ADAMTS9: variants seen among roughly 807,000 people sequenced by gnomAD.
ADAMTS9 encodes ADAM metallopeptidase with thrombospondin type 1 motif 9.
A neutral mutation model predicts 257.1 loss-of-function variants in ADAMTS9; 107 were observed. The observed-to-expected ratio is 0.42, with a 90% CI of 0.36 to 0.49. The LOEUF (loss-of-function observed/expected upper bound fraction) is 0.49, where lower values mean the gene tolerates loss of function less well. ADAMTS9 is among the 20% of genes least tolerant of loss of function. The pLI, the probability that ADAMTS9 is intolerant of heterozygous loss-of-function variation, is 0.03. For synonymous variants in ADAMTS9, 982 were observed against 880.9 expected (o/e 1.11, Z -2.03); for missense variants, 2,353 against 2,469.1 (o/e 0.95, Z 1.00).
chr3:64,655,476 G>T lies in ADAMTS9; in HGVS notation c.1169+100C>A. On this transcript the variant is annotated intron_variant, in intron 6 of 39. Coordinates refer to ENST00000498707, the MANE Select transcript of ADAMTS9 (RefSeq NM_182920.2). ...CCAAAATGTCAACAGTGCCTAAGCT[G>T]AGAAACCCTCCACTAGCAGCTGACT... 3 of 1,008,392 alleles carry T rather than the reference G, an allele frequency of 3.0e-6. No homozygotes were observed. In the South Asian group the frequency reaches 4.3e-5, roughly 15 times the overall value. 62.5% of individuals were successfully genotyped at this position (1,008,392 alleles called of 1,614,324 possible).
At chr3:64,667,849 T>G (rs1701387760) in intron 3 of ADAMTS9, among the ~76,000 whole-genome samples, 2 of 152,206 alleles carry the variant, frequency 1.3e-5, no homozygotes, top group African/African-American at 4.8e-5. Flanking sequence ...TAGGAACTAT[T>G]ACCTTCATTT....
At chr3:64,666,049 T>C (rs1264867886) in intron 3 of ADAMTS9, among the ~76,000 whole-genome samples, 4 of 152,152 alleles carry the variant, frequency 2.6e-5, no homozygotes, top group Non-Finnish European at 5.9e-5. Context: ...GTGGGTCCAA[T>C]CTTTTAAAAA....
At chr3:64,543,128 C>A (rs972937553) in intron 32 of ADAMTS9, among the ~76,000 whole-genome samples, 3 of 152,120 alleles carry the variant, frequency 2.0e-5, no homozygotes, top group Admixed American at 6.6e-5. Flanking sequence ...TAATTAATAG[C>A]CTACCAACCA....
chr3:64,602,268 A>G (rs1053763135), intron 25 of ADAMTS9, 55 bp from the exon 26 acceptor site: 2 of 1,580,938 alleles, frequency 1.3e-6, no homozygotes, highest in Admixed American at 1.7e-5. Flanking sequence ...AGGGGTTGAC[A>G]ATTCCTGAAT....
rs902433733 is a variant in ADAMTS9, at chr3:64,631,666, G to T, written c.2294-116C>A. Reference sequence around the variant, plus strand: ...TATAATTCTCATATAATTCTATTAGGTGCCTTCTAGTCGATGGATAATCCA... The same window carrying T: ...TATAATTCTCATATAATTCTATTAGTTGCCTTCTAGTCGATGGATAATCCA... On this transcript the variant is annotated intron_variant, in intron 15 of 39. Transcript: ENST00000498707. The T allele has an allele frequency of 9.5e-6, 11 of 1,160,508 alleles. No individual in the cohort carries two copies. The East Asian group carries it at 2.4e-4, about 25-fold the overall frequency. 71.9% of individuals were successfully genotyped at this position (1,160,508 alleles called of 1,614,324 possible). A position where few individuals can be genotyped will look rare whatever the true frequency, so the allele number is the denominator to read the frequency against.
Position 64,516,371 on chromosome 3 carries a change from G to C in ADAMTS9, c.*756C>G, listed in dbSNP as rs188450032. Reference sequence around the variant, plus strand: ...TATTAACAACACTAACAACAATAAGGATAAAGTCTAAGTCTCTTCCAAAAA... The same window carrying C: ...TATTAACAACACTAACAACAATAAGCATAAAGTCTAAGTCTCTTCCAAAAA... On this transcript the variant is annotated 3_prime_UTR_variant, in exon 40 of 40. Transcript: ENST00000498707. 2.0e-5 allele frequency: 3 copies of C among 152,630 alleles called. No individual in the cohort carries two copies. Among genetic ancestry groups the C allele is most frequent in the Admixed American group, 2.0e-4 (3 of 15,296 alleles). 9.5% of individuals were successfully genotyped at this position (152,630 alleles called of 1,614,324 possible).
intron 3 of ADAMTS9, among the ~76,000 whole-genome samples, chr3:64,667,022 TTTTTG>T (rs779497884): frequency 3.8e-4 from 58 of 152,252 alleles, no homozygotes; most frequent in Non-Finnish European, 6.9e-4. Flanking sequence ...AGCTGTTGTT[TTTTTG>T]TTTTATTATT....
chr3:64,541,737 T>C, intron 33 of ADAMTS9, 101 bp downstream of exon 33: 1 of 1,569,324 alleles, frequency 6.4e-7, no homozygotes, highest in Non-Finnish European at 8.7e-7. Flanking sequence ...ATGATTTCCT[T>C]CAGAAAAAAT....
chr3:64,655,324 G>A (rs931175293), intron 6 of ADAMTS9, among the ~76,000 whole-genome samples: 1 of 152,182 alleles, frequency 6.6e-6, no homozygotes, highest in East Asian at 1.9e-4. Flanking sequence ...CCCACGGGGG[G>A]CAGTGGCAAT....
chr3:64,619,923 A>C (rs2106857372), intron 19 of ADAMTS9, among the ~76,000 whole-genome samples: 1 of 152,188 alleles, frequency 6.6e-6, no homozygotes, highest in Non-Finnish European at 1.5e-5. Context: ...CTTTAATTTA[A>C]CTCAATTGGC....
intron 37 of ADAMTS9, among the ~76,000 whole-genome samples, chr3:64,536,961 T>C (rs2083058779): frequency 6.6e-6 from 1 of 152,214 alleles, no homozygotes; most frequent in South Asian, 2.1e-4. Context: ...TCTGCTTTGA[T>C]TTCTGTGCAA....
chr3:64,530,948 T>C (rs1172930910), intron 38 of ADAMTS9, among the ~76,000 whole-genome samples: 3 of 152,134 alleles, frequency 2.0e-5, no homozygotes, highest in Non-Finnish European at 2.9e-5. Flanking sequence ...AGAAACATAA[T>C]GTATAGATTT....
At position 64,643,445 on chromosome 3, in the gene ADAMTS9, A is replaced by ATT. The variant is rs57471985; in HGVS notation, c.1711-1454_1711-1453dup. On this transcript the variant is annotated intron_variant, in intron 11 of 39. Transcript: ENST00000498707. The stretch of plus-strand genomic sequence containing the variant: ...GTAGTCAACATAACATTACTCAATA[A>ATT]TTTTTTTTTTTTTTTTTTTTTTTTT... Among the ~76,000 whole-genome samples the ATT allele has an allele frequency of 4.3e-3, 263 of 61,398 alleles. 4 individuals are homozygous for ATT. The highest frequency in any genetic ancestry group is 6.2e-3 in the African/African-American group (88 of 14,264). The allele number at this position is 61,398 out of a possible 152,430, so 40.3% of individuals were successfully genotyped here.
chr3:64,630,411 T>TA, intron 16 of ADAMTS9, among the ~76,000 whole-genome samples: 1 of 151,984 alleles, frequency 6.6e-6, no homozygotes, highest in Non-Finnish European at 1.5e-5. Flanking sequence ...AAATAAGAAA[T>TA]AAAAATAAAT....
chr3:64,516,958 T>C lies in ADAMTS9; in HGVS notation c.*169A>G, dbSNP rs1006855613. On this transcript the variant is annotated 3_prime_UTR_variant, in exon 40 of 40. Coordinates refer to ENST00000498707, the MANE Select transcript of ADAMTS9 (RefSeq NM_182920.2). ...CTACATACACACATATATGTGTATA[T>C]ATGTATGTGTAGATATGTATATATG... The C allele has an allele frequency of 6.6e-6, 1 of 152,528 alleles. No individual in the cohort carries two copies. The highest frequency in any genetic ancestry group is 1.5e-5 in the Non-Finnish European group (1 of 68,034). The allele number at this position is 152,528 out of a possible 1,614,324, so 9.4% of individuals were successfully genotyped here.
chr3:64,579,294 TC>T (rs2083933637), intron 28 of ADAMTS9, among the ~76,000 whole-genome samples: 1 of 152,160 alleles, frequency 6.6e-6, no homozygotes, highest in Non-Finnish European at 1.5e-5. Flanking sequence ...TTACATGGCT[TC>T]CTTTTGTATT....
chr3:64,539,044 T>A (rs1468847862), intron 37 of ADAMTS9, among the ~76,000 whole-genome samples, 159 bp downstream of exon 37: 1 of 152,192 alleles, frequency 6.6e-6, no homozygotes, highest in Non-Finnish European at 1.5e-5. Context: ...ATTACGAGAT[T>A]AGACTCCAGA....
Position 64,632,681 on chromosome 3 carries a change from C to A in ADAMTS9, c.2176-756G>T, listed in dbSNP as rs185804568. ...GTTTTGTTCATTTGTGTGAACTAAT[C>A]TTTGAGGAAAAACTCAATGTGTTGC... is the stretch of plus-strand genomic sequence containing the variant. On this transcript the variant is annotated intron_variant, in intron 14 of 39. Coordinates refer to ENST00000498707, the MANE Select transcript of ADAMTS9 (RefSeq NM_182920.2). Among the ~76,000 whole-genome samples the A allele has an allele frequency of 1.2e-3, 177 of 152,260 alleles. 1 individual carries two copies. The highest frequency in any genetic ancestry group is 4.1e-3 in the African/African-American group (171 of 41,554).
intron 21 of ADAMTS9, among the ~76,000 whole-genome samples, 184 bp from the exon 22 acceptor site, chr3:64,613,693 T>C (rs2084710498): frequency 6.6e-6 from 1 of 152,230 alleles, no homozygotes; most frequent in African/African-American, 2.4e-5. Context: ...TCATTCATTC[T>C]ATATTTATAG....
Sources: allele counts gnomAD v4.1 joint callset (sites outside exome capture counted in the v4.1 genomes callset), GRCh38; gene constraint gnomAD v4.1.1; transcripts MANE v1.5; gene names NCBI Gene and HGNC (gene_info 2026-07-23, HGNC 2026-07-21).